Variants in PCDHGA10 observed in about 807,000 individuals in gnomAD.
PCDHGA10 encodes protocadherin gamma subfamily A, 10.
PCDHGA10 carries 42 observed loss-of-function variants against 59.5 expected under a neutral mutation model. The ratio of observed to expected loss-of-function variants is 0.71; its 90% confidence interval spans 0.55 to 0.91. PCDHGA10 has a LOEUF of 0.91. Ranked by LOEUF, PCDHGA10 falls within the 40% of genes least tolerant of loss-of-function variation. PCDHGA10 has a pLI of 0.00. For missense variants in PCDHGA10, 1,111 were observed against 1,198.2 expected (o/e 0.93, Z 1.07); for synonymous variants, 511 against 517.2 (o/e 0.99, Z 0.16).
rs367744321 is a variant in PCDHGA10, at chr5:141,489,394, C to G, written c.2437-5413C>G. The G allele has an allele frequency of 3.7e-6, 6 of 1,614,008 alleles. No individual in the cohort carries two copies. In the African/African-American group the frequency reaches 6.7e-5, roughly 18 times the overall value. On this transcript the variant is annotated intron_variant, in intron 1 of 3. Transcript: ENST00000398610. The surrounding 1 kb of genome is among the most constrained non-coding windows in gnomAD (Gnocchi z 4.5). ...GCTGGTGGGGAATGTTGCTCAGGATCTGGGCTTAAAGATGACAGATCTGTT... is the reference window on the plus strand; with the variant it reads ...GCTGGTGGGGAATGTTGCTCAGGATGTGGGCTTAAAGATGACAGATCTGTT...
intron 1 of PCDHGA10, chr5:141,428,236 G>A (rs1474911413): frequency 9.7e-7 from 1 of 1,026,978 alleles, no homozygotes; most frequent in Admixed American, 1.9e-5. Context: ...CAGCCTGCAG[G>A]AGGCACTGCC....
chr5:141,478,711 T>A, intron 1 of PCDHGA10: 1 of 1,547,346 alleles, frequency 6.5e-7, no homozygotes, highest in Non-Finnish European at 8.7e-7. Flanking sequence ...CTTTGTGAGA[T>A]GGTGGCCTGC....
rs760070878 is a variant in PCDHGA10, at chr5:141,490,862, C to T, written c.2437-3945C>T. On this transcript the variant is annotated intron_variant, in intron 1 of 3. Coordinates refer to ENST00000398610, the MANE Select transcript of PCDHGA10 (RefSeq NM_018913.3). This position sits in a 1 kb window ranked among gnomAD's most constrained non-coding sequence, Gnocchi z 5.4. ...GTGGTGGGGGTTCGAGACTCCGGCTCTCCCCCATTGCATGCCAACACATCT... is the reference window on the plus strand; with the variant it reads ...GTGGTGGGGGTTCGAGACTCCGGCTTTCCCCCATTGCATGCCAACACATCT... 2.0e-5 allele frequency: 33 copies of T among 1,613,878 alleles called. No individual in the cohort carries two copies. Among genetic ancestry groups the T allele is most frequent in the Non-Finnish European group, 2.8e-5 (33 of 1,179,920 alleles).
At position 141,477,961 on chromosome 5, in the gene PCDHGA10, C is replaced by G. The variant is rs199947431; in HGVS notation, c.2437-16846C>G. On this transcript the variant is annotated intron_variant, in intron 1 of 3. Transcript: ENST00000398610. The surrounding 1 kb of genome is among the most constrained non-coding windows in gnomAD (Gnocchi z 4.9). ...CCTACAGTCTCTTGGGATCCCCTAA[C>G]CAGAGCCTTTTTGCCATAGGGCTGC... 10 of 1,614,166 alleles carry G rather than the reference C, an allele frequency of 6.2e-6. No individual in the cohort carries two copies. Among genetic ancestry groups the G allele is most frequent in the Middle Eastern group, 3.3e-4 (2 of 6,062 alleles).
Position 141,490,447 on chromosome 5 carries a change from C to A in PCDHGA10, c.2437-4360C>A, listed in dbSNP as rs1273424450. 1.2e-6 allele frequency: 2 copies of A among 1,614,196 alleles called. No homozygotes were observed. The highest frequency in any genetic ancestry group is 1.7e-5 in the Admixed American group (1 of 60,030). Reference sequence around the variant, plus strand: ...ATTTCAGATTAAGCCTTCTGAGAACCACTACTCGCTGCTAACCAGCCAGCC... The same window carrying A: ...ATTTCAGATTAAGCCTTCTGAGAACAACTACTCGCTGCTAACCAGCCAGCC... On this transcript the variant is annotated intron_variant, in intron 1 of 3. Coordinates refer to ENST00000398610, the MANE Select transcript of PCDHGA10 (RefSeq NM_018913.3). This position sits in a 1 kb window ranked among gnomAD's most constrained non-coding sequence, Gnocchi z 5.4.
intron 1 of PCDHGA10, among the ~76,000 whole-genome samples, chr5:141,463,783 C>T (rs1395035313): frequency 1.3e-5 from 2 of 152,138 alleles, no homozygotes; most frequent in African/African-American, 4.8e-5. Flanking sequence ...CCTGCACTGT[C>T]TTTTGAACAA....
At chr5:141,447,238 C>G (rs1028683423) in intron 1 of PCDHGA10, among the ~76,000 whole-genome samples, 2 of 152,148 alleles carry the variant, frequency 1.3e-5, no homozygotes, top group Non-Finnish European at 2.9e-5. Context: ...CTCCCGGGTT[C>G]AAGTGATTCT....
chr5:141,483,213 C>T (rs1343903817), intron 1 of PCDHGA10, among the ~76,000 whole-genome samples: 1 of 152,142 alleles, frequency 6.6e-6, no homozygotes, highest in Non-Finnish European at 1.5e-5. Flanking sequence ...ATATAGATGA[C>T]AGTCACTGCA....
intron 2 of PCDHGA10, among the ~76,000 whole-genome samples, chr5:141,501,109 C>G (rs909874167): frequency 2.0e-5 from 3 of 152,106 alleles, no homozygotes; most frequent in Non-Finnish European, 4.4e-5. Context: ...CCTCGTGATC[C>G]GCCTGCCTCA....
rs1449605701 is a variant in PCDHGA10 at position 141,485,191 on chromosome 5, A to C, written c.2437-9616A>C. ...CGGCAGCAATGCTCCGCAAGGTGAG[A>C]AGCTGGACAGAAATCTGGCGGTGGG... is the stretch of plus-strand genomic sequence containing the variant. On this transcript the variant is annotated intron_variant, in intron 1 of 3. Coordinates refer to ENST00000398610, the MANE Select transcript of PCDHGA10 (RefSeq NM_018913.3). This position sits in a 1 kb window ranked among gnomAD's most constrained non-coding sequence, Gnocchi z 5.7. The C allele has an allele frequency of 6.2e-7, 1 of 1,613,836 alleles. No individual in the cohort carries two copies. The highest frequency in any genetic ancestry group is 1.3e-5 in the African/African-American group (1 of 75,042).
chr5:141,437,478 T>G (rs942305423), intron 1 of PCDHGA10, among the ~76,000 whole-genome samples: 2 of 152,210 alleles, frequency 1.3e-5, no homozygotes, highest in African/African-American at 2.4e-5. Flanking sequence ...TATAGCATAT[T>G]TAATCTCGTA....
intron 1 of PCDHGA10, 171 bp downstream of exon 1, chr5:141,415,782 T>C: frequency 7.4e-7 from 1 of 1,356,228 alleles, no homozygotes. Context: ...TACTTTCTGG[T>C]AAAATTCACC....
chr5:141,502,126 A>C (rs2154593060), intron 2 of PCDHGA10, among the ~76,000 whole-genome samples: 1 of 152,252 alleles, frequency 6.6e-6, no homozygotes, highest in South Asian at 2.1e-4. Flanking sequence ...AGGCCCACAG[A>C]GCTCAGTCGG....
In PCDHGA10 at chr5:141,413,467, G is replaced by C; in HGVS notation, c.292G>C (p.Glu98Gln). ...CACCGCGGGCAGGATAGACCGGGAG[G>C]AGCTCTGCGCTCAGAGCGCGCGGTG... ...LITAGRIDREELCAQSARCVV... is the reference protein window; with the variant it reads ...LITAGRIDREQLCAQSARCVV... Residue 98 changes from glutamate (E) to glutamine (Q), a missense_variant, in exon 1 of 4, where the codon GAG becomes CAG. By Grantham distance (29) the Glu-to-Gln change is conservative. Transcript: ENST00000398610. The C allele has an allele frequency of 1.2e-6, 2 of 1,614,136 alleles. No homozygotes were observed. Among genetic ancestry groups the C allele is most frequent in the East Asian group, 2.2e-5 (1 of 44,886 alleles).
At chr5:141,447,178 C>T (rs1258561542) in intron 1 of PCDHGA10, among the ~76,000 whole-genome samples, 2 of 152,094 alleles carry the variant, frequency 1.3e-5, no homozygotes, top group Middle Eastern at 3.4e-3. Context: ...TTGCTCTTGT[C>T]GCGCAGGCTG....
intron 3 of PCDHGA10, among the ~76,000 whole-genome samples, chr5:141,510,162 A>C (rs947806998): frequency 6.6e-6 from 1 of 151,838 alleles, no homozygotes; most frequent in Non-Finnish European, 1.5e-5. Flanking sequence ...AATCTCAGCT[A>C]CTCAGGAGGT....
At chr5:141,430,846 C>A in intron 1 of PCDHGA10, 1 of 1,576,344 alleles carries the variant, frequency 6.3e-7, no homozygotes, top group South Asian at 1.2e-5. Context: ...CCGGATGCAC[C>A]CAGATACGCT....
At chr5:141,422,984 G>T in intron 1 of PCDHGA10, 2 of 1,614,230 alleles carry the variant, frequency 1.2e-6, no homozygotes, top group Non-Finnish European at 1.7e-6. Flanking sequence ...GCGGAACCTG[G>T]CTACCTGGTG....
chr5:141,436,878 G>T (rs914354261), intron 1 of PCDHGA10, among the ~76,000 whole-genome samples: 1 of 152,216 alleles, frequency 6.6e-6, no homozygotes, highest in African/African-American at 2.4e-5. Context: ...GGCCATAAAA[G>T]ATGGGGGAAA....
Sources: gnomAD v4.1 joint callset for allele counts (sites outside exome capture counted in the v4.1 genomes callset) on GRCh38, gnomAD v4.1.1 for gene constraint, Gnocchi (gnomAD v3.1) non-coding constraint, MANE v1.5 for transcripts, NCBI Gene and HGNC (gene_info 2026-07-23, HGNC 2026-07-21) for gene names.